Variants in DNAJC11 observed in about 807,000 individuals in gnomAD.
The protein encoded by DNAJC11 is DnaJ heat shock protein family (Hsp40) member C11.
DNAJC11 carries 15 observed loss-of-function variants against 78.6 expected under a neutral mutation model. The observed-to-expected ratio is 0.19, with a 90% CI of 0.13 to 0.29. The LOEUF (loss-of-function observed/expected upper bound fraction) is 0.29, where lower values mean the gene tolerates loss of function less well. Among genes scored for constraint, DNAJC11 ranks in the 10% least tolerant of loss-of-function variants. The pLI, the probability that DNAJC11 is intolerant of heterozygous loss-of-function variation, is 1.00. For missense variants in DNAJC11, 547 were observed against 709.6 expected (o/e 0.77, Z 2.60); for synonymous variants, 292 against 272.1 (o/e 1.07, Z -0.72).
intron 3 of DNAJC11, among the ~76,000 whole-genome samples, chr1:6,668,783 T>C (rs1289487007): frequency 6.6e-6 from 1 of 152,156 alleles, no homozygotes; most frequent in Non-Finnish European, 1.5e-5. Context: ...TAACAGTATA[T>C]GAACCTTAGA....
At chr1:6,689,348 T>C (rs901195255) in intron 1 of DNAJC11, among the ~76,000 whole-genome samples, 1 of 152,092 alleles carries the variant, frequency 6.6e-6, no homozygotes, top group African/African-American at 2.4e-5. Flanking sequence ...AGTTACTGAG[T>C]ATGAAATGGA....
At chr1:6,646,805 C>T (rs1641973120) in intron 7 of DNAJC11, among the ~76,000 whole-genome samples, 3 of 152,270 alleles carry the variant, frequency 2.0e-5, no homozygotes, top group South Asian at 2.1e-4. Context: ...AGCTCCACAT[C>T]AATTGCCTAA....
At chr1:6,690,169 T>A (rs1005893146) in intron 1 of DNAJC11, among the ~76,000 whole-genome samples, 4 of 152,112 alleles carry the variant, frequency 2.6e-5, no homozygotes, top group African/African-American at 9.7e-5. Flanking sequence ...TTCATGAAAG[T>A]GAAAGGCAAC....
chr1:6,649,339 C>G (rs572678599), intron 7 of DNAJC11, among the ~76,000 whole-genome samples: 1 of 151,978 alleles, frequency 6.6e-6, no homozygotes, highest in Non-Finnish European at 1.5e-5. Context: ...CCGGCTAATT[C>G]TTTGCATTTT....
intron 1 of DNAJC11, among the ~76,000 whole-genome samples, chr1:6,699,157 G>A (rs1642885672): frequency 6.6e-6 from 1 of 151,398 alleles, no homozygotes; most frequent in African/African-American, 2.4e-5. Flanking sequence ...AAAATTAGCT[G>A]GGTATGGTGG....
At chr1:6,679,928 A>T (rs900556464) in intron 2 of DNAJC11, among the ~76,000 whole-genome samples, 2 of 152,248 alleles carry the variant, frequency 1.3e-5, no homozygotes, top group African/African-American at 4.8e-5. Context: ...AATACAGTTA[A>T]ATTTGGTAAT....
At chr1:6,687,956 G>A (rs1418134452) in intron 1 of DNAJC11, among the ~76,000 whole-genome samples, 2 of 151,948 alleles carry the variant, frequency 1.3e-5, no homozygotes, top group Non-Finnish European at 1.5e-5. Flanking sequence ...CCATTTAATT[G>A]ACAAAAACAA....
At chr1:6,667,622 C>T (rs1377455427) in intron 4 of DNAJC11, 87 bp downstream of exon 4, 2 of 1,078,108 alleles carry the variant, frequency 1.9e-6, no homozygotes, top group Admixed American at 2.0e-5. Flanking sequence ...CTTTAACAAT[C>T]CACCAGCACC....
Position 6,635,598 on chromosome 1 carries a change from G to A in DNAJC11, c.*77C>T. On this transcript the variant is annotated 3_prime_UTR_variant, in exon 16 of 16. Transcript: ENST00000377577. Reference sequence around the variant, plus strand: ...ATAAAATAAAAACATCTGATGTCTGGGTTTTTTCATTTCCAAATTTGTAGA... The same window carrying A: ...ATAAAATAAAAACATCTGATGTCTGAGTTTTTTCATTTCCAAATTTGTAGA... 11 of 1,461,714 alleles carry A rather than the reference G, an allele frequency of 7.5e-6. No individual in the cohort carries two copies. Among genetic ancestry groups the A allele is most frequent in the Non-Finnish European group, 1.0e-5 (11 of 1,051,402 alleles). The allele number at this position is 1,461,714 out of a possible 1,614,324, so 90.5% of individuals were successfully genotyped here.
Position 6,634,503 on chromosome 1 carries a change from T to TG in DNAJC11, c.*1171dup, listed in dbSNP as rs1046980930. On this transcript the variant is annotated 3_prime_UTR_variant, in exon 16 of 16. Coordinates refer to ENST00000377577, the MANE Select transcript of DNAJC11 (RefSeq NM_018198.4). ...GGGTGGGCTGGAGGCCGGCGCAGCT[T>TG]GGGGCCCCCCGCGCCAGCTGTCTCA... 1 of 1,349,448 alleles carries TG rather than the reference T, an allele frequency of 7.4e-7. No homozygotes were observed. Among genetic ancestry groups the TG allele is most frequent in the African/African-American group, 1.5e-5 (1 of 67,622 alleles). 83.6% of individuals were successfully genotyped at this position (1,349,448 alleles called of 1,614,324 possible).
chr1:6,693,790 C>CA (rs1314367559), intron 1 of DNAJC11, among the ~76,000 whole-genome samples: 1 of 151,656 alleles, frequency 6.6e-6, no homozygotes, highest in Non-Finnish European at 1.5e-5. Flanking sequence ...ACTGCAGCCC[C>CA]AAACTTCTAG....
chr1:6,657,891 C>T (rs1642155012), intron 4 of DNAJC11, among the ~76,000 whole-genome samples: 1 of 152,210 alleles, frequency 6.6e-6, no homozygotes, highest in South Asian at 2.1e-4. Flanking sequence ...GTGATCTGCC[C>T]ACCTTGGCCT....
chr1:6,645,431 G>A lies in DNAJC11; in HGVS notation c.895-305C>T, dbSNP rs1641949930. ...GCCAAGGAGCAGTGGCCCGTGTGGGGCTTCTCATGTACCAGCCCTGGTGTG... is the reference window on the plus strand; with the variant it reads ...GCCAAGGAGCAGTGGCCCGTGTGGGACTTCTCATGTACCAGCCCTGGTGTG... On this transcript the variant is annotated intron_variant, in intron 8 of 15. Coordinates refer to ENST00000377577, the MANE Select transcript of DNAJC11 (RefSeq NM_018198.4). This position sits in a 1 kb window ranked among gnomAD's most constrained non-coding sequence, Gnocchi z 4.1. 6.6e-6 allele frequency among the ~76,000 whole-genome samples: 1 copy of A among 152,240 alleles called. No homozygotes were observed. The highest frequency in any genetic ancestry group is 1.5e-5 in the Non-Finnish European group (1 of 68,036).
rs1361699227 is a variant in DNAJC11 at position 6,667,701 on chromosome 1, T to C, written c.378+8A>G. The stretch of plus-strand genomic sequence containing the variant: ...AAGTGTCCTCATGAAACGTGGCCCC[T>C]GGCTTACCTTGGGATTGGTTCGCTG... On this transcript the variant is annotated splice_region_variant and intron_variant, in intron 4 of 15. Coordinates refer to ENST00000377577, the MANE Select transcript of DNAJC11 (RefSeq NM_018198.4). 6.2e-7 allele frequency: 1 copy of C among 1,613,614 alleles called. No homozygotes were observed. The highest frequency in any genetic ancestry group is 1.1e-5 in the South Asian group (1 of 91,052).
Position 6,635,488 on chromosome 1 carries a change from T to A in DNAJC11, c.*187A>T. 1.6e-6 allele frequency: 1 copy of A among 633,100 alleles called. No individual in the cohort carries two copies. The highest frequency in any genetic ancestry group is 2.7e-6 in the Non-Finnish European group (1 of 368,272). The allele number at this position is 633,100 out of a possible 1,614,324, so 39.2% of individuals were successfully genotyped here. On this transcript the variant is annotated 3_prime_UTR_variant, in exon 16 of 16. Coordinates refer to ENST00000377577, the MANE Select transcript of DNAJC11 (RefSeq NM_018198.4). ...CTGGTTCCCAGTGGGGCTGCCTCAG[T>A]CCTACCCCCAGCACCCTCAAAAGCT... is the stretch of plus-strand genomic sequence containing the variant.
At chr1:6,681,282 A>C (rs999267067) in intron 1 of DNAJC11, among the ~76,000 whole-genome samples, 1 of 152,182 alleles carries the variant, frequency 6.6e-6, no homozygotes, top group Non-Finnish European at 1.5e-5. Flanking sequence ...CAATGAATGA[A>C]CGTTTGGGTC....
Position 6,680,013 on chromosome 1 carries a change from G to A in DNAJC11, c.202+895C>T, listed in dbSNP as rs868829530. Among the ~76,000 whole-genome samples the A allele has an allele frequency of 1.1e-4, 16 of 152,006 alleles. No homozygotes were observed. The highest frequency in any genetic ancestry group is 3.6e-4 in the African/African-American group (15 of 41,338). ...ACTGGCCATTAAAATCTAACTTTTT[G>A]GTAAAACTATAAAGTGAAAAACACT... On this transcript the variant is annotated intron_variant, in intron 2 of 15. Coordinates refer to ENST00000377577, the MANE Select transcript of DNAJC11 (RefSeq NM_018198.4). The surrounding 1 kb of genome is among the most constrained non-coding windows in gnomAD (Gnocchi z 4.0).
intron 10 of DNAJC11, among the ~76,000 whole-genome samples, chr1:6,641,459 G>T (rs559423366): frequency 5.2e-4 from 69 of 131,600 alleles, no homozygotes; most frequent in Non-Finnish European, 1.0e-3. Flanking sequence ...AATGTGAATG[G>T]GTAAAAAAAA....
At chr1:6,697,189 C>A (rs1557492186) in intron 1 of DNAJC11, among the ~76,000 whole-genome samples, 1 of 152,136 alleles carries the variant, frequency 6.6e-6, no homozygotes, top group South Asian at 2.1e-4. Flanking sequence ...GTGAGGCAGG[C>A]ACGACAGATG....
Sources: gnomAD v4.1 joint callset for allele counts (sites outside exome capture counted in the v4.1 genomes callset) on GRCh38, gnomAD v4.1.1 for gene constraint, Gnocchi (gnomAD v3.1) non-coding constraint, MANE v1.5 for transcripts, NCBI Gene and HGNC (gene_info 2026-07-23, HGNC 2026-07-21) for gene names.